PROM1: variants seen among roughly 807,000 people sequenced by gnomAD.
PROM1 encodes prominin 1, also known as prominin-1.
In PROM1, 105 loss-of-function variants were observed where a neutral mutation model predicts 116.9. The observed-to-expected ratio is 0.90, with a 90% CI of 0.77 to 1.06. The LOEUF (loss-of-function observed/expected upper bound fraction) is 1.06. Among genes scored for constraint, PROM1 ranks in the 50% least tolerant of loss-of-function variants. PROM1 has a pLI of 0.00. For synonymous variants in PROM1, 393 were observed against 387.0 expected (o/e 1.02, Z -0.18); for missense variants, 1,122 against 1,045.2 (o/e 1.07, Z -1.01).
At chr4:16,073,140 G>A (rs548178610) in intron 2 of PROM1, among the ~76,000 whole-genome samples, 1 of 152,160 alleles carries the variant, frequency 6.6e-6, no homozygotes, top group South Asian at 2.1e-4. Context: ...TGATATATCG[G>A]CTGTATCTGG....
intron 15 of PROM1, among the ~76,000 whole-genome samples, chr4:15,995,878 A>C (rs1448834910): frequency 6.6e-6 from 1 of 152,182 alleles, no homozygotes; most frequent in Non-Finnish European, 1.5e-5. Flanking sequence ...TTCTTTACAG[A>C]TCTAACTCCC....
At chr4:16,035,637 A>G (rs1161094145) in intron 4 of PROM1, 98 bp downstream of exon 4, 13 of 1,203,744 alleles carry the variant, frequency 1.1e-5, no homozygotes, top group Non-Finnish European at 1.5e-5. Flanking sequence ...TAAAAACAGA[A>G]ATGAAACGGA....
chr4:16,013,925 A>C (rs973437683), intron 10 of PROM1, among the ~76,000 whole-genome samples: 1 of 136,372 alleles, frequency 7.3e-6, no homozygotes. Flanking sequence ...TTAAAAATAA[A>C]ATTAGAAATA....
chr4:16,048,013 T>G (rs1373949655), intron 2 of PROM1, among the ~76,000 whole-genome samples: 1 of 152,204 alleles, frequency 6.6e-6, no homozygotes. Context: ...AAGACTTCCA[T>G]GGAAAATACT....
At position 15,984,251 on chromosome 4, in the gene PROM1, A is replaced by C. The variant is rs1259735613; in HGVS notation, c.2373+12T>G. ...GATTCATTGTGTCTTCTTTTGAAAG[A>C]TGAAATCTTACCAAGGGGTCGATAA... On this transcript the variant is annotated intron_variant, in intron 23 of 27. Transcript: ENST00000447510. 6 of 1,560,546 alleles carry C rather than the reference A, an allele frequency of 3.8e-6. No individual in the cohort carries two copies. Among genetic ancestry groups the C allele is most frequent in the Non-Finnish European group, 5.3e-6 (6 of 1,137,152 alleles).
At position 15,998,464 on chromosome 4, in the gene PROM1, T is replaced by G. The variant is rs1577928508; in HGVS notation, c.1603A>C (p.Asn535His). 1.9e-6 allele frequency: 3 copies of G among 1,608,736 alleles called. No homozygotes were observed. Among genetic ancestry groups the G allele is most frequent in the African/African-American group, 1.3e-5 (1 of 74,844 alleles). The change falls in exon 15 of 28, where the codon AAT becomes CAT. Residue 535 changes from asparagine to histidine, a missense_variant. By Grantham distance (68) the Asn-to-His change is moderately conservative (BLOSUM62 1). Transcript: ENST00000447510. ...GAGAGATAGTATTCCCAGTCTTCAT[T>G]TAGTAAGTAGGGTGTATCCAAAACC... is the stretch of plus-strand genomic sequence containing the variant. The part of the protein sequence containing the change: ...FRVLDTPYLL[N>H]EDWEYYLSGK...
At chr4:16,053,829 T>C (rs550168089) in intron 2 of PROM1, among the ~76,000 whole-genome samples, 1 of 152,352 alleles carries the variant, frequency 6.6e-6, no homozygotes, top group African/African-American at 2.4e-5. Flanking sequence ...GCACAGTGGC[T>C]CACGCCTATA....
intron 25 of PROM1, 134 bp from the exon 26 acceptor site, chr4:15,979,597 G>A: frequency 7.4e-7 from 1 of 1,354,992 alleles, no homozygotes. Flanking sequence ...AAAGACAAAT[G>A]AGTAATTGAC....
intron 3 of PROM1, 93 bp downstream of exon 3, chr4:16,038,853 A>C (rs1734533325): frequency 1.6e-6 from 2 of 1,261,084 alleles, no homozygotes; most frequent in East Asian, 6.0e-5. Flanking sequence ...TTGCAGATTG[A>C]ATAACTGGTT....
intron 17 of PROM1, 93 bp downstream of exon 17, chr4:15,992,155 C>T: frequency 2.0e-6 from 3 of 1,509,684 alleles, no homozygotes; most frequent in Middle Eastern, 3.6e-4. Flanking sequence ...TCATGTGAAT[C>T]TCATCTTAAT....
intron 13 of PROM1, among the ~76,000 whole-genome samples, chr4:16,001,180 A>G (rs1035523614): frequency 6.6e-6 from 1 of 152,096 alleles, no homozygotes; most frequent in African/African-American, 2.4e-5. Context: ...CAGGAGGCAT[A>G]ATATAGGAGG....
At chr4:15,998,596 CATT>C (rs1722907565) in intron 14 of PROM1, 108 bp from the exon 15 acceptor site, 3 of 1,188,116 alleles carry the variant, frequency 2.5e-6, no homozygotes, top group South Asian at 6.3e-5. Flanking sequence ...TTTTTCATAA[CATT>C]ATTTTTCTGG....
intron 3 of PROM1, among the ~76,000 whole-genome samples, chr4:16,036,207 G>A (rs766694939): frequency 5.9e-5 from 9 of 152,108 alleles, no homozygotes; most frequent in Non-Finnish European, 7.4e-5. Context: ...AGCGATCAAC[G>A]GATTCCCACC....
chr4:16,079,580 T>A (rs1344302537), intron 1 of PROM1, among the ~76,000 whole-genome samples: 1 of 152,162 alleles, frequency 6.6e-6, no homozygotes, highest in Admixed American at 6.5e-5. Flanking sequence ...CCCCACTAGG[T>A]CCGAGAGCCA....
intron 2 of PROM1, among the ~76,000 whole-genome samples, chr4:16,055,999 A>G (rs1454971123): frequency 6.6e-6 from 1 of 152,154 alleles, no homozygotes; most frequent in Non-Finnish European, 1.5e-5. Context: ...CTCCATGAAG[A>G]GTAAGGTCTC....
At chr4:15,977,053 G>A (rs868188630) in intron 26 of PROM1, among the ~76,000 whole-genome samples, 28 of 152,136 alleles carry the variant, frequency 1.8e-4, no homozygotes, top group African/African-American at 9.7e-5. Flanking sequence ...CTGCCTAGTC[G>A]GGCCAAGGCT....
chr4:16,047,851 G>A (rs945686816), intron 2 of PROM1, among the ~76,000 whole-genome samples: 1 of 152,000 alleles, frequency 6.6e-6, no homozygotes, highest in Admixed American at 6.5e-5. Context: ...GGCAGCAATC[G>A]GGGCCCAGTG....
chr4:16,021,671 T>G (rs993626156), intron 8 of PROM1, among the ~76,000 whole-genome samples: 9 of 152,192 alleles, frequency 5.9e-5, no homozygotes, highest in African/African-American at 2.2e-4. Context: ...GAATCCCAGA[T>G]TTCCAATTCT....
At chr4:15,992,166 A>C (rs1721222243) in intron 17 of PROM1, 82 bp downstream of exon 17, 3 of 1,561,042 alleles carry the variant, frequency 1.9e-6, no homozygotes, top group Non-Finnish European at 2.6e-6. Context: ...TCATCTTAAT[A>C]AAAAATCAAA....
Sources: allele counts gnomAD v4.1 joint callset (sites outside exome capture counted in the v4.1 genomes callset), GRCh38; gene constraint gnomAD v4.1.1; transcripts MANE v1.5; gene names NCBI Gene and HGNC (gene_info 2026-07-23, HGNC 2026-07-21).